Variants in ANO1 observed in about 807,000 individuals in gnomAD.
The protein encoded by ANO1 is anoctamin 1, also known as anoctamin-1.
A neutral mutation model predicts 124.0 loss-of-function variants in ANO1; 59 were observed. The ratio of observed to expected loss-of-function variants is 0.48; its 90% CI spans 0.39 to 0.59. The LOEUF is 0.59. Among genes scored for constraint, ANO1 ranks in the 20% least tolerant of loss-of-function variants. The probability of loss-of-function intolerance (pLI) is 0.00; values close to 1 mark genes in which losing one functional copy is unlikely to be tolerated. For missense variants in ANO1, 1,059 were observed against 1,328.0 expected (o/e 0.80, Z 3.15); for synonymous variants, 529 against 532.0 (o/e 0.99, Z 0.08).
intron 2 of ANO1, among the ~76,000 whole-genome samples, chr11:70,092,249 T>G (rs1489876827): frequency 1.3e-5 from 2 of 148,854 alleles, no homozygotes; most frequent in Non-Finnish European, 3.0e-5. Flanking sequence ...GACTTTATCT[T>G]AACTCGGTTA....
intron 21 of ANO1, among the ~76,000 whole-genome samples, chr11:70,169,796 C>T (rs930487329): frequency 6.6e-6 from 1 of 152,170 alleles, no homozygotes; most frequent in Admixed American, 6.5e-5. Context: ...GCACCCCGCA[C>T]GGCCCACCCC....
chr11:70,034,587 A>T (rs1222452882), intron 1 of ANO1, among the ~76,000 whole-genome samples: 1 of 152,156 alleles, frequency 6.6e-6, no homozygotes, highest in Non-Finnish European at 1.5e-5. Flanking sequence ...CCTGGCATTT[A>T]TTTTGCTGTT....
At chr11:69,970,706 C>T in the ANO1 span, among the ~76,000 whole-genome samples, 7,376 of 152,234 alleles carry the variant, frequency 0.048, 272 homozygotes, top group Non-Finnish European at 0.076. Context: ...GCAGAAATGC[C>T]ACCTTTAAAA....
At chr11:70,010,833 C>T (rs1555000994) in intron 1 of ANO1, among the ~76,000 whole-genome samples, 1 of 152,236 alleles carries the variant, frequency 6.6e-6, no homozygotes, top group Non-Finnish European at 1.5e-5. Context: ...CCTTCCTCAA[C>T]CTCCCACATC....
chr11:70,167,175 G>A (rs1263297688), intron 20 of ANO1, 67 bp from the exon 21 acceptor site: 2 of 1,569,572 alleles, frequency 1.3e-6, no homozygotes, highest in African/African-American at 1.4e-5. Flanking sequence ...CATCACTAGA[G>A]GTGCCAGACC....
At chr11:70,182,859 A>C (rs2048982244) in intron 24 of ANO1, among the ~76,000 whole-genome samples, 173 bp downstream of exon 24, 2 of 152,066 alleles carry the variant, frequency 1.3e-5, no homozygotes, top group Non-Finnish European at 2.9e-5. Flanking sequence ...CCGTCATCCC[A>C]GCACTTTGGG....
chr11:70,025,362 G>T lies in ANO1; in HGVS notation c.58+39196G>T, dbSNP rs558441364. 5.9e-5 allele frequency among the ~76,000 whole-genome samples: 9 copies of T among 152,282 alleles called. No homozygotes were observed. In the South Asian group the frequency reaches 1.9e-3, roughly 32 times the overall value. On this transcript the variant is annotated intron_variant, in intron 1 of 27. Coordinates refer to the ANO1 transcript ENST00000531349. ...AATCATGATCATGATAATGATGGTG[G>T]TGGTGGTGATTGTGATGATGAGAAT...
At chr11:70,014,663 G>A (rs748715384) in intron 1 of ANO1, among the ~76,000 whole-genome samples, 1 of 152,004 alleles carries the variant, frequency 6.6e-6, no homozygotes, top group Non-Finnish European at 1.5e-5. Flanking sequence ...GAGTATGCTG[G>A]GAGCAGGATT....
At chr11:70,073,762 A>G (rs782310967), upstream of ANO1, among the ~76,000 whole-genome samples, 1 of 152,118 alleles carries the variant, frequency 6.6e-6, no homozygotes, top group Non-Finnish European at 1.5e-5. Context: ...TTCACAAAAC[A>G]CATTAAGAAT....
intron 2 of ANO1, among the ~76,000 whole-genome samples, chr11:70,102,431 C>A (rs181824933): frequency 2.6e-4 from 40 of 152,306 alleles, no homozygotes; most frequent in African/African-American, 9.4e-4. Flanking sequence ...GTGACTTGGC[C>A]AAGCTGGCAG....
intron 1 of ANO1, among the ~76,000 whole-genome samples, chr11:70,079,503 A>T (rs2044140116): frequency 4.0e-5 from 6 of 151,806 alleles, no homozygotes; most frequent in Admixed American, 3.9e-4. Flanking sequence ...TGTTTTAGAG[A>T]GGGGGGCAGA....
upstream of ANO1, among the ~76,000 whole-genome samples, chr11:70,076,602 C>T (rs1221164054): frequency 6.6e-6 from 1 of 152,176 alleles, no homozygotes; most frequent in African/African-American, 2.4e-5. Context: ...GTGGGATTCT[C>T]CCAGCCCTGG....
At chr11:70,085,362 G>A (rs1321186194) in intron 1 of ANO1, 25 of 1,436,572 alleles carry the variant, frequency 1.7e-5, no homozygotes, top group South Asian at 4.3e-5. Context: ...GGGCGTGGTC[G>A]TGGCCCCTAA....
At chr11:70,088,827 T>C (rs1417913497) in intron 2 of ANO1, among the ~76,000 whole-genome samples, 4 of 152,206 alleles carry the variant, frequency 2.6e-5, no homozygotes, top group Admixed American at 2.6e-4. Flanking sequence ...GAGATGTGGG[T>C]CCAGCTGAGC....
chr11:70,127,027 A>G (rs1255494620), intron 10 of ANO1, among the ~76,000 whole-genome samples: 11 of 121,860 alleles, frequency 9.0e-5, no homozygotes, highest in Non-Finnish European at 1.4e-4. Context: ...TGGTGCTCCC[A>G]GGAGGTGAGA....
At chr11:70,135,474 C>T (rs768225103) in intron 11 of ANO1, among the ~76,000 whole-genome samples, 16 of 152,228 alleles carry the variant, frequency 1.1e-4, no homozygotes, top group Non-Finnish European at 5.9e-5. Context: ...GCAGCCACCA[C>T]GTCCTTCCAC....
At chr11:69,988,310 A>G (rs940588886) in intron 1 of ANO1, among the ~76,000 whole-genome samples, 6 of 152,120 alleles carry the variant, frequency 3.9e-5, no homozygotes, top group Admixed American at 3.3e-4. Context: ...GAGAGCCCCA[A>G]TTCTAGAGCC....
chr11:70,041,057 C>T (rs1857175722), intron 1 of ANO1, among the ~76,000 whole-genome samples: 1 of 152,124 alleles, frequency 6.6e-6, no homozygotes, highest in Non-Finnish European at 1.5e-5. Context: ...CTCTCCATTG[C>T]CCTCCAGCCC....
chr11:70,172,662 G>C (rs977538580), intron 22 of ANO1, among the ~76,000 whole-genome samples: 105 of 152,116 alleles, frequency 6.9e-4, no homozygotes, highest in Admixed American at 6.8e-3. Context: ...CTGAGGTCAG[G>C]AGTTCGAGAC....
Sources: allele counts gnomAD v4.1 joint callset (sites outside exome capture counted in the v4.1 genomes callset), GRCh38; gene constraint gnomAD v4.1.1; transcripts MANE v1.5; gene names NCBI Gene and HGNC (gene_info 2026-07-23, HGNC 2026-07-21).